The following ARID1B variants were observed in gnomAD, a reference collection of about 807,000 sequenced individuals.
ARID1B encodes the protein AT-rich interactive domain-containing protein 1B.
Under a neutral mutation model 212.3 loss-of-function variants are expected in ARID1B, and 30 were observed. That is an observed-to-expected ratio of 0.14 (90% CI 0.11 to 0.19). The LOEUF (loss-of-function observed/expected upper bound fraction) is 0.19. Ranked by LOEUF, ARID1B falls within the 10% of genes least tolerant of loss-of-function variation. The pLI, the probability that ARID1B is intolerant of heterozygous loss-of-function variation, is 1.00. For missense variants in ARID1B, 2,891 were observed against 3,204.0 expected (o/e 0.90, Z 2.36); for synonymous variants, 1,402 against 1,301.7 (o/e 1.08, Z -1.66).
chr6:157,201,372 C>G lies in ARID1B; in HGVS notation c.5147C>G (p.Thr1716Ser), dbSNP rs910598795. ...CCCACGGTCCCCACATCCCAGGTCA[C>G]CGGGCCACCACCCCAACCACCCCCA... ...VMPTVPTSQV[T>S]GPPPQPPPIR... Residue 1716 changes from threonine (T) to serine (S), a missense_variant, in exon 18 of 20, where the codon ACC becomes AGC. Coordinates refer to ENST00000636930, the MANE Select transcript of ARID1B (RefSeq NM_001374828.1). The surrounding 1 kb of genome is among the most constrained non-coding windows in gnomAD (Gnocchi z 5.2). 6.2e-7 allele frequency: 1 copy of G among 1,609,364 alleles called. No individual in the cohort carries two copies. The highest frequency in any genetic ancestry group is 1.3e-5 in the African/African-American group (1 of 74,844).
intron 1 of ARID1B, among the ~76,000 whole-genome samples, chr6:156,813,581 G>A (rs2127992903): frequency 6.6e-6 from 1 of 152,336 alleles, no homozygotes; most frequent in Non-Finnish European, 1.5e-5. Flanking sequence ...CAGGTGCGGT[G>A]TTGTGTCTCC....
At position 157,060,466 on chromosome 6, in the gene ARID1B, G is replaced by A. The variant is rs796142304; in HGVS notation, c.2248-24196G>A. Among the ~76,000 whole-genome samples, 20 of 152,102 alleles carry A rather than the reference G, an allele frequency of 1.3e-4. 2 individuals carry two copies. The highest frequency in any genetic ancestry group is 4.8e-4 in the African/African-American group (20 of 41,478). ...AATCCCAAGGTCTAGTGCCATAGAA[G>A]AATAAATAATTTTCCAATATCACTT... is the stretch of plus-strand genomic sequence containing the variant. On this transcript the variant is annotated intron_variant, in intron 4 of 19. Coordinates refer to ENST00000636930, the MANE Select transcript of ARID1B (RefSeq NM_001374828.1).
chr6:157,026,815 T>C (rs1246227490), intron 4 of ARID1B, among the ~76,000 whole-genome samples: 1 of 152,210 alleles, frequency 6.6e-6, no homozygotes, highest in African/African-American at 2.4e-5. Context: ...TGCGCCTGGC[T>C]ATTAGAAGAT....
intron 4 of ARID1B, among the ~76,000 whole-genome samples, chr6:156,945,089 A>AT (rs1189157210): frequency 0.015 from 1,816 of 124,586 alleles, 53 homozygotes; most frequent in African/African-American, 0.051. Flanking sequence ...AGTCGGGCTA[A>AT]TTTTTTTGTA....
Position 157,201,663 on chromosome 6 carries a change from AAGAAAT to A in ARID1B, c.5263+178_5263+183del, listed in dbSNP as rs1437555424. Among the ~76,000 whole-genome samples the A allele has an allele frequency of 1.3e-5, 2 of 152,234 alleles. No homozygotes were observed. Among genetic ancestry groups the A allele is most frequent in the Admixed American group, 6.5e-5 (1 of 15,282 alleles). On this transcript the variant is annotated intron_variant, in intron 18 of 19. Transcript: ENST00000636930. The surrounding 1 kb of genome is among the most constrained non-coding windows in gnomAD (Gnocchi z 5.2). ...TAGTTGGAGGCTGCTAATCTGAATTAAGAAATAGTGCCAGAAAGATTGGCCGGGCGC... is the reference window on the plus strand; with the variant it reads ...TAGTTGGAGGCTGCTAATCTGAATTAAGTGCCAGAAAGATTGGCCGGGCGC...
chr6:156,855,478 C>T lies in ARID1B; in HGVS notation c.1986+26057C>T, dbSNP rs557760513. Among the ~76,000 whole-genome samples the T allele has an allele frequency of 9.2e-5, 14 of 152,288 alleles. No homozygotes were observed. In the South Asian group the frequency reaches 1.0e-3, roughly 11 times the overall value. On this transcript the variant is annotated intron_variant, in intron 2 of 19. Transcript: ENST00000636930. ...CGTCCACTTTGTGTGTTTCACGTGG[C>T]GGCAGACTACACGCTTACCTTTATT...
chr6:157,122,846 C>G (rs1787832018), intron 6 of ARID1B, among the ~76,000 whole-genome samples: 1 of 151,964 alleles, frequency 6.6e-6, no homozygotes, highest in South Asian at 2.1e-4. Flanking sequence ...ACCCAGCTAA[C>G]TTTTTTGGTA....
At chr6:157,016,284 A>T (rs1039324635) in intron 4 of ARID1B, among the ~76,000 whole-genome samples, 5 of 152,062 alleles carry the variant, frequency 3.3e-5, no homozygotes, top group Admixed American at 1.3e-4. Flanking sequence ...AAACTTCAAT[A>T]CTCAATTGCA....
chr6:157,072,883 A>C (rs1784076312), intron 4 of ARID1B, among the ~76,000 whole-genome samples: 1 of 152,222 alleles, frequency 6.6e-6, no homozygotes, highest in South Asian at 2.1e-4. Flanking sequence ...GTACTACAGC[A>C]AAGACTTGAA....
chr6:157,193,968 CGGG>C (rs1374010957), intron 15 of ARID1B: 1 of 152,136 alleles, frequency 6.6e-6, no homozygotes, highest in African/African-American at 2.4e-5. Context: ...TGAGAGTGTG[CGGG>C]TTCTCACCCC....
At chr6:157,038,237 AG>A (rs2128510482) in intron 4 of ARID1B, among the ~76,000 whole-genome samples, 1 of 152,308 alleles carries the variant, frequency 6.6e-6, no homozygotes, top group Non-Finnish European at 1.5e-5. Flanking sequence ...TTGGGAGGAT[AG>A]GAAGGTTGGT....
intron 7 of ARID1B, among the ~76,000 whole-genome samples, chr6:157,139,452 A>G (rs1418029207): frequency 2.6e-5 from 4 of 152,214 alleles, no homozygotes; most frequent in South Asian, 2.1e-4. Flanking sequence ...ACCCTGGAGA[A>G]GGGTCCCTCC....
rs528096493 is a variant in ARID1B at position 157,130,661 on chromosome 6, A to C, written c.2582-2367A>C. 1.2e-4 allele frequency among the ~76,000 whole-genome samples: 19 copies of C among 152,296 alleles called. No homozygotes were observed. In the South Asian group the frequency reaches 3.7e-3, roughly 30 times the overall value. On this transcript the variant is annotated intron_variant, in intron 6 of 19. Coordinates refer to ENST00000636930, the MANE Select transcript of ARID1B (RefSeq NM_001374828.1). ...CTTTAAACAGAAGCAATGTTAGACTATATCTCTTTTTTTAATTGAAATGTA... is the reference window on the plus strand; with the variant it reads ...CTTTAAACAGAAGCAATGTTAGACTCTATCTCTTTTTTTAATTGAAATGTA...
chr6:156,851,262 A>G (rs1784563429), intron 2 of ARID1B, among the ~76,000 whole-genome samples: 1 of 152,220 alleles, frequency 6.6e-6, no homozygotes, highest in African/African-American at 2.4e-5. Context: ...GAGGAGGAAG[A>G]TACCCTATTT....
chr6:157,086,496 C>T (rs1784976427), intron 5 of ARID1B, among the ~76,000 whole-genome samples: 1 of 152,160 alleles, frequency 6.6e-6, no homozygotes, highest in South Asian at 2.1e-4. Flanking sequence ...ACTCAAAGAG[C>T]TTACTCTTTC....
At chr6:156,901,312 A>G (rs1788910986) in intron 2 of ARID1B, 64 bp from the exon 3 acceptor site, 2 of 1,592,452 alleles carry the variant, frequency 1.3e-6, no homozygotes, top group African/African-American at 1.3e-5. Flanking sequence ...AATTGAAACC[A>G]TATTTGATTT....
chr6:157,078,867 A>G (rs1017574084), intron 4 of ARID1B, among the ~76,000 whole-genome samples: 1 of 152,216 alleles, frequency 6.6e-6, no homozygotes, highest in Non-Finnish European at 1.5e-5. Context: ...TCTTTGCCTG[A>G]GAAATAACAC....
intron 2 of ARID1B, among the ~76,000 whole-genome samples, chr6:156,891,739 C>G (rs1233181952): frequency 7.2e-5 from 11 of 151,992 alleles, no homozygotes; most frequent in Non-Finnish European, 1.6e-4. Context: ...TTTTTTTTCC[C>G]CCCCTCAAAC....
At position 157,170,829 on chromosome 6, in the gene ARID1B, G is replaced by A. The variant is rs140198868; in HGVS notation, c.3236-3179G>A. 9.4e-3 allele frequency among the ~76,000 whole-genome samples: 1,436 copies of A among 152,284 alleles called. 24 individuals carry two copies. Among genetic ancestry groups the A allele is most frequent in the African/African-American group, 0.033 (1,359 of 41,554 alleles). ...ATCCAATGAGAGCAGTGCGTCTCCCGAGCCGTTCTTAGATCCTGTGTGTGT... is the reference window on the plus strand; with the variant it reads ...ATCCAATGAGAGCAGTGCGTCTCCCAAGCCGTTCTTAGATCCTGTGTGTGT... On this transcript the variant is annotated intron_variant, in intron 9 of 19. Coordinates refer to ENST00000636930, the MANE Select transcript of ARID1B (RefSeq NM_001374828.1).
Sources: gnomAD v4.1 joint callset for allele counts (sites outside exome capture counted in the v4.1 genomes callset) on GRCh38, gnomAD v4.1.1 for gene constraint, Gnocchi (gnomAD v3.1) non-coding constraint, MANE v1.5 for transcripts, NCBI Gene and HGNC (gene_info 2026-07-23, HGNC 2026-07-21) for gene names.